Variants in FHDC1 observed in about 807,000 individuals in gnomAD.
FHDC1 encodes the protein FH2 domain-containing protein 1.
A neutral mutation model predicts 52.6 loss-of-function variants in FHDC1; 25 were observed. That is an observed-to-expected ratio of 0.48 (90% CI 0.35 to 0.66). The LOEUF is 0.66. Ranked by LOEUF, FHDC1 falls within the 30% of genes least tolerant of loss-of-function variation. FHDC1 has a pLI of 0.01. For synonymous variants in FHDC1, 616 were observed against 581.5 expected (o/e 1.06, Z -0.85); for missense variants, 1,459 against 1,452.8 (o/e 1.00, Z -0.07).
chr4:152,959,330 T>G (rs1561209050), intron 4 of FHDC1, among the ~76,000 whole-genome samples: 1 of 152,266 alleles, frequency 6.6e-6, no homozygotes, highest in Non-Finnish European at 1.5e-5. Flanking sequence ...TGTGATCTAA[T>G]GTTGTTTGAA....
chr4:152,937,976 A>G (rs1360480528), intron 1 of FHDC1, among the ~76,000 whole-genome samples: 4 of 152,048 alleles, frequency 2.6e-5, no homozygotes, highest in African/African-American at 9.7e-5. Context: ...GTGAACTACT[A>G]CGTATCCAAA....
chr4:152,925,152 C>G, the FHDC1 span, among the ~76,000 whole-genome samples: 1,253 of 151,136 alleles, frequency 8.3e-3, 15 homozygotes, highest in African/African-American at 0.028. Context: ...GTTACATGAA[C>G]TTGAAATAGC....
At position 152,975,931 on chromosome 4, in the gene FHDC1, C is replaced by G; in HGVS notation, c.2640C>G (p.Ala880=). 1 of 1,513,956 alleles carries G rather than the reference C, an allele frequency of 6.6e-7. No individual in the cohort carries two copies. The highest frequency in any genetic ancestry group is 1.4e-5 in the African/African-American group (1 of 71,728). 93.8% of individuals were successfully genotyped at this position (1,513,956 alleles called of 1,614,324 possible). ...CCGGGGCCTCCAAGCCCGGGAGCGC[C>G]CGGCGGAGCCAGGGGGCAGTGGCCA... ...ASPGASKPGS[A]RRSQGAVAKS... Residue 880 remains alanine, a synonymous_variant, in exon 12 of 12, where the codon GCC becomes GCG. Coordinates refer to ENST00000511601, the MANE Select transcript of FHDC1 (RefSeq NM_001371116.1).
At chr4:152,943,971 T>A (rs570777895) in intron 2 of FHDC1, among the ~76,000 whole-genome samples, 1 of 152,348 alleles carries the variant, frequency 6.6e-6, no homozygotes, top group South Asian at 2.1e-4. Context: ...TTTTGTTAAA[T>A]AGCATCATCA....
At chr4:152,922,354 G>A in the FHDC1 span, among the ~76,000 whole-genome samples, 1 of 152,176 alleles carries the variant, frequency 6.6e-6, no homozygotes, top group Admixed American at 6.5e-5. Context: ...CTGAAATTGT[G>A]GCAGTAATCA....
rs529804269 is a variant in FHDC1 at position 152,942,890 on chromosome 4, T to C, written c.-130-38T>C. 17 of 682,776 alleles carry C rather than the reference T, an allele frequency of 2.5e-5. No individual in the cohort carries two copies. The African/African-American group carries it at 2.9e-4, about 12-fold the overall frequency. The allele number at this position is 682,776 out of a possible 1,614,324, so 42.3% of individuals were successfully genotyped here. ...AGGGAAATGCTGATGCGAAACTGTT[T>C]GTCTGTAACTGATTTGATATTTATT... is the stretch of plus-strand genomic sequence containing the variant. On this transcript the variant is annotated intron_variant, in intron 1 of 11. Coordinates refer to ENST00000511601, the MANE Select transcript of FHDC1 (RefSeq NM_001371116.1).
intron 11 of FHDC1, among the ~76,000 whole-genome samples, chr4:152,973,311 G>C (rs1387038742): frequency 6.6e-6 from 1 of 152,208 alleles, no homozygotes; most frequent in African/African-American, 2.4e-5. Flanking sequence ...TTAGTCCATA[G>C]CTGAATTTCT....
rs775454602 is a variant in FHDC1 at position 152,960,545 on chromosome 4, C to G, written c.664-20C>G. 6.3e-7 allele frequency: 1 copy of G among 1,595,418 alleles called. No individual in the cohort carries two copies. Among genetic ancestry groups the G allele is most frequent in the African/African-American group, 1.3e-5 (1 of 74,472 alleles). ...TTCGTAAGTGATTTTATATACCCCC[C>G]CTTTCCATTTGTCTTTTAGGTAAAG... On this transcript the variant is annotated intron_variant, in intron 4 of 11. Coordinates refer to ENST00000511601, the MANE Select transcript of FHDC1 (RefSeq NM_001371116.1).
At chr4:152,963,785 T>G (rs901123004) in intron 8 of FHDC1, among the ~76,000 whole-genome samples, 17 of 139,988 alleles carry the variant, frequency 1.2e-4, no homozygotes, top group East Asian at 4.2e-4. Context: ...TTTTTTTTTT[T>G]TTTTTTTTTT....
chr4:152,975,200 G>A lies in FHDC1; in HGVS notation c.1909G>A (p.Ala637Thr). ...PENHASAFPR[A>T]RRQGVSVLRK... ...GAACCATGCCTCTGCCTTCCCCAGA[G>A]CTCGGCGCCAGGGCGTCAGTGTCCT... Residue 637 changes from alanine to threonine, a missense_variant, in exon 12 of 12, where the codon GCT (alanine) becomes ACT (threonine). Ala to Thr is a moderately conservative substitution (Grantham distance 58, BLOSUM62 0). Coordinates refer to ENST00000511601, the MANE Select transcript of FHDC1 (RefSeq NM_001371116.1). The A allele has an allele frequency of 6.2e-7, 1 of 1,613,272 alleles. No individual in the cohort carries two copies. Among genetic ancestry groups the A allele is most frequent in the Non-Finnish European group, 8.5e-7 (1 of 1,180,024 alleles).
chr4:152,954,801 C>T (rs1220985867), intron 4 of FHDC1, among the ~76,000 whole-genome samples: 1 of 152,146 alleles, frequency 6.6e-6, no homozygotes, highest in Non-Finnish European at 1.5e-5. Flanking sequence ...GTAGAAAAAG[C>T]ATGGATTATG....
chr4:152,930,983 A>ACT, the FHDC1 span, among the ~76,000 whole-genome samples: 6 of 144,812 alleles, frequency 4.1e-5, no homozygotes, highest in Non-Finnish European at 7.5e-5. Flanking sequence ...ACACACACAC[A>ACT]CACACACACA....
At chr4:152,925,643 G>A in the FHDC1 span, among the ~76,000 whole-genome samples, 1 of 151,724 alleles carries the variant, frequency 6.6e-6, no homozygotes, top group South Asian at 2.1e-4. Flanking sequence ...AGCCCACACT[G>A]AATCCTGGGT....
At chr4:152,940,944 T>C (rs376619346) in intron 1 of FHDC1, among the ~76,000 whole-genome samples, 1,577 of 152,324 alleles carry the variant, frequency 0.01, 10 homozygotes, top group Non-Finnish European at 0.018. Flanking sequence ...ATGAAAACTC[T>C]TTCTAGAAGC....
chr4:152,975,648 C>T lies in FHDC1; in HGVS notation c.2357C>T (p.Ser786Leu), dbSNP rs745808156. Residue 786 changes from serine to leucine, a missense_variant, in exon 12 of 12, where the codon TCA becomes TTA. Physicochemically the swap from Ser to Leu is moderately radical, Grantham distance 145 (BLOSUM62 -2). Transcript: ENST00000511601. ...TTDCSLTLDC[S>L]EGTDSRPRGG... Reference sequence around the variant, plus strand: ...GACTGCTCACTGACCCTGGACTGCTCAGAGGGAACCGACTCCAGACCCAGA... The same window carrying T: ...GACTGCTCACTGACCCTGGACTGCTTAGAGGGAACCGACTCCAGACCCAGA... The T allele has an allele frequency of 3.1e-6, 5 of 1,613,510 alleles. No homozygotes were observed. The highest frequency in any genetic ancestry group is 1.7e-5 in the Admixed American group (1 of 60,012).
In FHDC1 at chr4:152,976,978, ACC is replaced by A; in HGVS notation, c.*257_*258del. On this transcript the variant is annotated 3_prime_UTR_variant, in exon 12 of 12. Coordinates refer to ENST00000511601, the MANE Select transcript of FHDC1 (RefSeq NM_001371116.1). Reference sequence around the variant, plus strand: ...CGGCCGCACCTCCCCCATGCACCCCACCCTCCCCCAAAGCCCGGATCCCGAGA... The same window carrying A: ...CGGCCGCACCTCCCCCATGCACCCCACTCCCCCAAAGCCCGGATCCCGAGA... 1 of 285,972 alleles carries A rather than the reference ACC, an allele frequency of 3.5e-6. No homozygotes were observed. Among genetic ancestry groups the A allele is most frequent in the Non-Finnish European group, 6.1e-6 (1 of 163,700 alleles). 17.7% of individuals were successfully genotyped at this position (285,972 alleles called of 1,614,324 possible).
chr4:152,920,575 G>A, the FHDC1 span, among the ~76,000 whole-genome samples: 1 of 152,122 alleles, frequency 6.6e-6, no homozygotes, highest in African/African-American at 2.4e-5. Context: ...TTGGAAGGAA[G>A]CATTTCCTTT....
chr4:152,943,518 G>T lies in FHDC1; in HGVS notation c.461G>T (p.Arg154Ile). Reference protein sequence around the residue: ...TTKSSLPRRGRTLNSSFREAR... With the variant: ...TTKSSLPRRGITLNSSFREAR... ...AAGTCTTCCCTTCCTAGGAGAGGAA[G>T]AACTTTAAATTCATCCTTCAGAGAA... is the stretch of plus-strand genomic sequence containing the variant. The change falls in exon 2 of 12, where the codon AGA becomes ATA. Residue 154 changes from arginine (R) to isoleucine (I), a missense_variant. Arg to Ile is a moderately conservative substitution (Grantham distance 97). Around this residue, in one of 3 missense-constraint regions of FHDC1, gnomAD observed 513 missense variants for 581.5 expected, o/e 0.88. Coordinates refer to ENST00000511601, the MANE Select transcript of FHDC1 (RefSeq NM_001371116.1). 1 of 1,613,878 alleles carries T rather than the reference G, an allele frequency of 6.2e-7. No individual in the cohort carries two copies. Among genetic ancestry groups the T allele is most frequent in the South Asian group, 1.1e-5 (1 of 91,020 alleles).
the FHDC1 span, among the ~76,000 whole-genome samples, chr4:152,925,628 G>T: frequency 1.1e-4 from 16 of 151,940 alleles, no homozygotes; most frequent in Non-Finnish European, 2.1e-4. Context: ...ATCTCCTCTG[G>T]ACTGAGCCCA....
Sources: allele counts gnomAD v4.1 joint callset (sites outside exome capture counted in the v4.1 genomes callset), GRCh38; gene constraint gnomAD v4.1.1; regional missense constraint gnomAD v4.1.1; transcripts MANE v1.5; gene names NCBI Gene and HGNC (gene_info 2026-07-23, HGNC 2026-07-21).